ZNF573: variants seen among roughly 807,000 people sequenced by gnomAD.
ZNF573 encodes zinc finger protein 573.
Under a neutral mutation model 57.4 loss-of-function variants are expected in ZNF573, and 41 were observed. The ratio of observed to expected loss-of-function variants is 0.71; its 90% CI spans 0.56 to 0.93. The LOEUF (loss-of-function observed/expected upper bound fraction) is 0.93. Among genes scored for constraint, ZNF573 ranks in the 40% least tolerant of loss-of-function variants. ZNF573 has a pLI of 0.00. For synonymous variants in ZNF573, 249 were observed against 261.0 expected, an observed-to-expected ratio of 0.95 and a Z score of 0.44; for missense variants, 730 against 794.8, an observed-to-expected ratio of 0.92 and a Z score of 0.98.
At position 37,740,048 on chromosome 19, in the gene ZNF573, G is replaced by A. The variant is rs1165730864; in HGVS notation, c.442C>T (p.Gln148Ter). ...KCQKKFSSGYQLILHHRFHVI... is the reference protein window; with the variant it reads ...KCQKKFSSGY ...TGAAACCTGTGATGTAGAATAAGTTGATAACCACTACTAAATTTCTTCTGA... is the reference window on the plus strand; with the variant it reads ...TGAAACCTGTGATGTAGAATAAGTTAATAACCACTACTAAATTTCTTCTGA... Residue 148 changes from glutamine to a stop codon, truncating the protein, a stop_gained, in exon 5 of 5, where the codon CAA becomes TAA. Transcript: ENST00000536220. LOFTEE classifies it high-confidence loss of function. The A allele has an allele frequency of 8.1e-6, 13 of 1,613,974 alleles. No homozygotes were observed. In the East Asian group the frequency reaches 2.5e-4, roughly 30 times the overall value.
intron 1 of ZNF573, among the ~76,000 whole-genome samples, chr19:37,779,277 T>C (rs984582294): frequency 5.3e-5 from 8 of 152,088 alleles, no homozygotes; most frequent in African/African-American, 1.9e-4. Context: ...ACACGCAGTT[T>C]CTCTGTCACA....
chr19:37,752,077 A>G (rs1370174786), intron 4 of ZNF573, among the ~76,000 whole-genome samples: 4 of 151,722 alleles, frequency 2.6e-5, no homozygotes, highest in African/African-American at 7.3e-5. Flanking sequence ...CTATGTGTGT[A>G]TATATATACA....
At chr19:37,756,492 A>G (rs1322747539) in intron 4 of ZNF573, among the ~76,000 whole-genome samples, 1 of 152,164 alleles carries the variant, frequency 6.6e-6, no homozygotes, top group Non-Finnish European at 1.5e-5. Flanking sequence ...GGGCAGGCTT[A>G]TGTGCTGTCT....
At chr19:37,764,607 C>CTTT (rs559596334) in intron 4 of ZNF573, among the ~76,000 whole-genome samples, 2 of 138,508 alleles carry the variant, frequency 1.4e-5, no homozygotes, top group Admixed American at 7.3e-5. Flanking sequence ...GCATGAGTCA[C>CTTT]TTTTTTTTTT....
intron 1 of ZNF573, among the ~76,000 whole-genome samples, chr19:37,778,969 A>G (rs1011217027): frequency 2.0e-5 from 3 of 152,162 alleles, no homozygotes; most frequent in Non-Finnish European, 4.4e-5. Flanking sequence ...GGCGTTTCCA[A>G]TCTCACAGCA....
chr19:37,756,622 C>T (rs1228329180), intron 4 of ZNF573, among the ~76,000 whole-genome samples: 1 of 152,052 alleles, frequency 6.6e-6, no homozygotes, highest in Non-Finnish European at 1.5e-5. Flanking sequence ...TCCCACTTAC[C>T]TAGTTATAAT....
At position 37,773,634 on chromosome 19, in the gene ZNF573, G is replaced by A. The variant is rs530339312; in HGVS notation, c.69+27C>T. ...CCACATAACCTATGATCATGATATT[G>A]CAAGGAAACAGAATTAATCAACTTA... On this transcript the variant is annotated intron_variant, in intron 2 of 4. Coordinates refer to ENST00000536220, the MANE Select transcript of ZNF573 (RefSeq NM_001172690.2). The A allele has an allele frequency of 4.6e-6, 7 of 1,515,708 alleles. No individual in the cohort carries two copies. The African/African-American group carries it at 9.6e-5, about 21-fold the overall frequency. The allele number at this position is 1,515,708 out of a possible 1,614,324, so 93.9% of individuals were successfully genotyped here.
At position 37,769,068 on chromosome 19, in the gene ZNF573, G is replaced by T. The variant is rs1233017653; in HGVS notation, c.295+937C>A. Among the ~76,000 whole-genome samples the T allele has an allele frequency of 6.0e-5, 9 of 150,704 alleles. No individual in the cohort carries two copies. The South Asian group carries it at 1.5e-3, about 25-fold the overall frequency. Reference sequence around the variant, plus strand: ...CAACCTCTGCCACCTGGGTTCAAGCGATTCTCCTGCCTCAGCCTCCCAAAT... The same window carrying T: ...CAACCTCTGCCACCTGGGTTCAAGCTATTCTCCTGCCTCAGCCTCCCAAAT... On this transcript the variant is annotated intron_variant, in intron 4 of 4. Transcript: ENST00000536220.
chr19:37,773,064 G>C, intron 2 of ZNF573: 1 of 739,752 alleles, frequency 1.4e-6, no homozygotes, highest in Non-Finnish European at 1.7e-6. Context: ...TCTTGTTCCA[G>C]AATGGATACT....
At chr19:37,762,619 C>A (rs144875809) in intron 4 of ZNF573, among the ~76,000 whole-genome samples, 1 of 152,008 alleles carries the variant, frequency 6.6e-6, no homozygotes, top group African/African-American at 2.4e-5. Flanking sequence ...GCAAGTTGCA[C>A]CTCGGACTGT....
intron 4 of ZNF573, among the ~76,000 whole-genome samples, chr19:37,769,728 A>G (rs368923997): frequency 2.6e-3 from 333 of 127,746 alleles, no homozygotes; most frequent in African/African-American, 8.9e-3. Flanking sequence ...TCTGTCTCGG[A>G]AAAAAAAAAA....
chr19:37,761,750 TTC>T (rs1440806020), intron 4 of ZNF573, among the ~76,000 whole-genome samples: 1 of 152,230 alleles, frequency 6.6e-6, no homozygotes, highest in African/African-American at 2.4e-5. Flanking sequence ...CCAATCCTGT[TTC>T]TACATAGCTG....
intron 1 of ZNF573, among the ~76,000 whole-genome samples, chr19:37,778,023 T>C (rs1599713253): frequency 5.1e-5 from 2 of 39,272 alleles, no homozygotes; most frequent in African/African-American, 9.6e-5. Flanking sequence ...AGACTCTGTC[T>C]CAAAAAAAAA....
intron 4 of ZNF573, among the ~76,000 whole-genome samples, chr19:37,764,324 G>C (rs1025334652): frequency 8.2e-6 from 1 of 122,666 alleles, no homozygotes; most frequent in Admixed American, 8.2e-5. Context: ...TTTTTTTTTT[G>C]TTGTTTTTTT....
At chr19:37,777,612 A>C (rs1441217370) in intron 1 of ZNF573, among the ~76,000 whole-genome samples, 1 of 152,110 alleles carries the variant, frequency 6.6e-6, no homozygotes, top group Non-Finnish European at 1.5e-5. Context: ...GCAAAGACAT[A>C]ATAATGATAT....
In ZNF573 at chr19:37,740,692, T is replaced by C. The variant is rs1350980518; in HGVS notation, c.296-498A>G. The C allele has an allele frequency of 6.4e-5, 28 of 435,040 alleles. No individual in the cohort carries two copies. The Admixed American group carries it at 6.9e-4, about 11-fold the overall frequency. The allele number at this position is 435,040 out of a possible 1,614,324, so 26.9% of individuals were successfully genotyped here. On this transcript the variant is annotated intron_variant, in intron 4 of 4. Coordinates refer to ENST00000536220, the MANE Select transcript of ZNF573 (RefSeq NM_001172690.2). ...GCTCTTTGCTTCCTATTCTCTATCA[T>C]AGTCCCTCTTTTCAACACCTGGAAT...
chr19:37,738,668 T>C lies in ZNF573; in HGVS notation c.1822A>G (p.Lys608Glu). The change falls in exon 5 of 5, where the codon AAA becomes GAA. Residue 608 changes from lysine to glutamate, a missense_variant. By Grantham distance (56) the Lys-to-Glu change is moderately conservative. Coordinates refer to ENST00000536220, the MANE Select transcript of ZNF573 (RefSeq NM_001172690.2). ...TQHQKIHTGG[K>E]PYECKECGKA... ...CCACATTCTTTACATTCATAAGGTT[T>C]TCCACCAGTATGAATTTTCTGATGT... 1 of 1,611,808 alleles carries C rather than the reference T, an allele frequency of 6.2e-7. No individual in the cohort carries two copies. The highest frequency in any genetic ancestry group is 8.5e-7 in the Non-Finnish European group (1 of 1,179,134).
rs550290940 is a variant in ZNF573, at chr19:37,758,202, AATATATATATATATATATATATAT to A, written c.295+11779_295+11802del. ...TACCCTAGAACTTAAAGTATAATAA[AATATATATATATATATATATATAT>A]ATATATATATATATATATATATATA... On this transcript the variant is annotated intron_variant, in intron 4 of 4. Transcript: ENST00000536220. 2.3e-3 allele frequency among the ~76,000 whole-genome samples: 40 copies of A among 17,188 alleles called. 2 individuals carry two copies. The highest frequency in any genetic ancestry group is 4.3e-3 in the East Asian group (3 of 694). 11.3% of individuals were successfully genotyped at this position (17,188 alleles called of 152,430 possible).
intron 4 of ZNF573, among the ~76,000 whole-genome samples, chr19:37,763,310 C>T (rs1468465959): frequency 6.6e-6 from 1 of 151,592 alleles, no homozygotes; most frequent in African/African-American, 2.4e-5. Flanking sequence ...GGGCCAGTTA[C>T]CGGGGCTCAA....
Sources: allele counts gnomAD v4.1 joint callset (sites outside exome capture counted in the v4.1 genomes callset), GRCh38; gene constraint gnomAD v4.1.1; transcripts MANE v1.5; gene names NCBI Gene and HGNC (gene_info 2026-07-23, HGNC 2026-07-21).